SLC6A18: variants seen among roughly 807,000 people sequenced by gnomAD.
SLC6A18 encodes the protein solute carrier family 6 member 18.
Under a neutral mutation model 62.9 loss-of-function variants are expected in SLC6A18, and 58 were observed. That is an observed-to-expected ratio of 0.92 (90% CI 0.75 to 1.15). The LOEUF (loss-of-function observed/expected upper bound fraction) is 1.15, where lower values mean the gene tolerates loss of function less well. SLC6A18 is among the 50% of genes most tolerant of loss of function. The probability of loss-of-function intolerance (pLI) is 0.00; values close to 1 mark genes in which losing one functional copy is unlikely to be tolerated. For missense variants in SLC6A18, 793 were observed against 836.6 expected, an observed-to-expected ratio of 0.95 and a Z score of 0.64; for synonymous variants, 382 against 365.8, an observed-to-expected ratio of 1.04 and a Z score of -0.51.
Position 1,243,775 on chromosome 5 carries a change from C to T in SLC6A18, c.1336+16C>T, listed in dbSNP as rs781198609. On this transcript the variant is annotated intron_variant, in intron 9 of 11. Coordinates refer to ENST00000324642, the MANE Select transcript of SLC6A18 (RefSeq NM_182632.3). This position sits in a 1 kb window ranked among gnomAD's most constrained non-coding sequence, Gnocchi z 6.5. ...GCCCTGACTGGTGAGCGCACAGCTC[C>T]GCCGCCCTGGAGGACCCGTCCCCAG... 4.4e-5 allele frequency: 70 copies of T among 1,579,086 alleles called. No individual in the cohort carries two copies. The highest frequency in any genetic ancestry group is 1.7e-4 in the Middle Eastern group (1 of 5,792).
At chr5:1,239,189 G>A (rs2126537657) in intron 5 of SLC6A18, among the ~76,000 whole-genome samples, 1 of 152,358 alleles carries the variant, frequency 6.6e-6, no homozygotes, top group South Asian at 2.1e-4. Flanking sequence ...CAAAAAACCT[G>A]CCAGCTACGT....
rs1211000806 is a variant in SLC6A18, at chr5:1,232,204, A to T, written c.161-15A>T. On this transcript the variant is annotated splice_polypyrimidine_tract_variant and intron_variant, in intron 1 of 11. Coordinates refer to ENST00000324642, the MANE Select transcript of SLC6A18 (RefSeq NM_182632.3). ...CCCCGACCCTGGGCAGGTGCTGACC[A>T]CCCCCTCCTCACAGGGGCCTTCCTC... The T allele has an allele frequency of 1.2e-6, 2 of 1,600,978 alleles. No individual in the cohort carries two copies. The highest frequency in any genetic ancestry group is 1.7e-6 in the Non-Finnish European group (2 of 1,173,610).
chr5:1,244,164 CCT>C, intron 9 of SLC6A18, 48 bp from the exon 10 acceptor site: 1 of 925,258 alleles, frequency 1.1e-6, no homozygotes, highest in Non-Finnish European at 1.7e-6. Flanking sequence ...CCTCCCCACA[CCT>C]CCACTCCCCA....
At chr5:1,227,515 C>CGCTGTG (rs1746614400) in intron 1 of SLC6A18, among the ~76,000 whole-genome samples, 1 of 152,244 alleles carries the variant, frequency 6.6e-6, no homozygotes, top group Non-Finnish European at 1.5e-5. Context: ...CACTTTGTCT[C>CGCTGTG]GCTGTGAGGA....
intron 3 of SLC6A18, 138 bp from the exon 4 acceptor site, chr5:1,235,342 TG>T: frequency 1.3e-6 from 1 of 747,354 alleles, no homozygotes; most frequent in Non-Finnish European, 2.2e-6. Flanking sequence ...ATCTCAGCCC[TG>T]GGCCCAAAAA....
At chr5:1,242,549 G>A (rs1286879495) in intron 7 of SLC6A18, among the ~76,000 whole-genome samples, 158 bp from the exon 8 acceptor site, 2 of 149,266 alleles carry the variant, frequency 1.3e-5, no homozygotes, top group Admixed American at 6.7e-5. Flanking sequence ...GCGTCCACAC[G>A]ATCCCAACAG....
chr5:1,232,155 G>GCCCACGCCACAGTCCCCCCCAGC (rs1746745231), intron 1 of SLC6A18, 64 bp from the exon 2 acceptor site: 2 of 1,502,678 alleles, frequency 1.3e-6, no homozygotes, highest in Non-Finnish European at 1.8e-6. Context: ...GCTCCCCCTG[G>GCCCACGCCACAGTCCCCCCCAGC]CCCACGCCAC....
chr5:1,230,847 G>T (rs1462340639), intron 1 of SLC6A18, among the ~76,000 whole-genome samples: 1 of 152,170 alleles, frequency 6.6e-6, no homozygotes, highest in African/African-American at 2.4e-5. Flanking sequence ...ATGCAGGTGG[G>T]GAGGAGTCAA....
At chr5:1,233,887 G>C (rs539179598) in intron 3 of SLC6A18, among the ~76,000 whole-genome samples, 1 of 151,970 alleles carries the variant, frequency 6.6e-6, no homozygotes, top group Non-Finnish European at 1.5e-5. Context: ...GACTACAGGC[G>C]CCTGCCACCA....
rs1173754968 is a variant in SLC6A18, at chr5:1,245,891, C to T, written c.1700C>T (p.Ala567Val). ...CAGGAGAAGCTCTACCCGGGCTGGG[C>T]GCGCGCCGCCTGTGTGCTGCTGTCC... The part of the protein sequence containing the change: ...SRQEKLYPGW[A>V]RAACVLLSLL... The change falls in exon 12 of 12, where the codon GCG becomes GTG. Residue 567 changes from alanine (A) to valine (V), a missense_variant. Ala to Val is a moderately conservative substitution (Grantham distance 64). Transcript: ENST00000324642. 2 of 1,607,634 alleles carry T rather than the reference C, an allele frequency of 1.2e-6. No individual in the cohort carries two copies. The highest frequency in any genetic ancestry group is 1.3e-5 in the African/African-American group (1 of 74,828).
rs764928914 is a variant in SLC6A18, at chr5:1,239,500, ATTC to A, written c.788_790del (p.Phe263del). ...TGTGGCTGGACGCAGCCACCCAGATATTCTTCTCTCTGTCCCTGGCCTTCGGAG... is the reference window on the plus strand; with the variant it reads ...TGTGGCTGGACGCAGCCACCCAGATATTCTCTCTGTCCCTGGCCTTCGGAG... On this transcript the variant is annotated inframe_deletion, in exon 6 of 12. Transcript: ENST00000324642. 1.4e-5 allele frequency: 23 copies of A among 1,614,108 alleles called. No individual in the cohort carries two copies. In the South Asian group the frequency reaches 2.0e-4, roughly 14 times the overall value.
intron 7 of SLC6A18, 25 bp from the exon 8 acceptor site, chr5:1,242,682 C>T (rs1475163869): frequency 6.3e-7 from 1 of 1,578,886 alleles, no homozygotes; most frequent in Non-Finnish European, 8.6e-7. Flanking sequence ...GGGCCATGAG[C>T]CCACAGTCCT....
intron 2 of SLC6A18, 50 bp from the exon 3 acceptor site, chr5:1,232,701 G>C (rs1746764554): frequency 6.4e-7 from 1 of 1,558,008 alleles, no homozygotes; most frequent in Non-Finnish European, 8.7e-7. Context: ...TCTGGGCAGA[G>C]GGAGCTGGGA....
At chr5:1,231,746 G>A (rs546126345) in intron 1 of SLC6A18, among the ~76,000 whole-genome samples, 14 of 152,180 alleles carry the variant, frequency 9.2e-5, no homozygotes, top group Non-Finnish European at 1.6e-4. Flanking sequence ...GAAACATCAC[G>A]TTAATGAAAG....
chr5:1,232,335 A>T lies in SLC6A18; in HGVS notation c.277A>T (p.Ile93Phe). 1 of 1,611,474 alleles carries T rather than the reference A, an allele frequency of 6.2e-7. No homozygotes were observed. Among genetic ancestry groups the T allele is most frequent in the Non-Finnish European group, 8.5e-7 (1 of 1,179,692 alleles). Residue 93 changes from isoleucine to phenylalanine, a missense_variant, in exon 2 of 12, where the codon ATC (isoleucine) becomes TTC (phenylalanine). Transcript: ENST00000324642. The stretch of plus-strand genomic sequence containing the variant: ...GGGCAGCGTCGGCGTGTGGACGGCC[A>T]TCTCCCCGTACCTCAGTGGAGTAGG... ...RKGSVGVWTAISPYLSGVGLG... is the reference protein window; with the variant it reads ...RKGSVGVWTAFSPYLSGVGLG...
At chr5:1,226,188 A>C (rs2126522344) in intron 1 of SLC6A18, among the ~76,000 whole-genome samples, 1 of 152,252 alleles carries the variant, frequency 6.6e-6, no homozygotes, top group East Asian at 1.9e-4. Context: ...GGGTGACTTT[A>C]GTGACCTTGG....
intron 4 of SLC6A18, among the ~76,000 whole-genome samples, chr5:1,236,063 A>G (rs560664187): frequency 1.3e-5 from 2 of 152,106 alleles, no homozygotes; most frequent in African/African-American, 4.8e-5. Context: ...GAGCATTTAC[A>G]TTTAATGTGA....
At chr5:1,244,181 CTTACCCCCCACA>C in intron 9 of SLC6A18, 21 bp from the exon 10 acceptor site, 22 of 1,360,164 alleles carry the variant, frequency 1.6e-5, no homozygotes, top group Admixed American at 3.5e-5. Context: ...TCCCCATCCC[CTTACCCCCCACA>C]CCCCTTTCCC....
chr5:1,244,684 C>T lies in SLC6A18; in HGVS notation c.1573C>T (p.Pro525Ser), dbSNP rs771677573. 4 of 1,613,134 alleles carry T rather than the reference C, an allele frequency of 2.5e-6. No individual in the cohort carries two copies. Among genetic ancestry groups the T allele is most frequent in the Admixed American group, 1.7e-5 (1 of 59,984 alleles). ...YWRLTWRVVS[P>S]LLLTIFVAYI... ...GCGGCTGACCTGGAGGGTGGTCAGTCCCCTGCTGCTGACCATCTTTGTGGC... is the reference window on the plus strand; with the variant it reads ...GCGGCTGACCTGGAGGGTGGTCAGTTCCCTGCTGCTGACCATCTTTGTGGC... Residue 525 changes from proline to serine, a missense_variant, in exon 11 of 12, where the codon CCC (proline) becomes TCC (serine). Coordinates refer to ENST00000324642, the MANE Select transcript of SLC6A18 (RefSeq NM_182632.3).
Sources: gnomAD v4.1 joint callset for allele counts (sites outside exome capture counted in the v4.1 genomes callset) on GRCh38, gnomAD v4.1.1 for gene constraint, Gnocchi (gnomAD v3.1) non-coding constraint, MANE v1.5 for transcripts, NCBI Gene and HGNC (gene_info 2026-07-23, HGNC 2026-07-21) for gene names.